Variants in FAM193A observed in about 807,000 individuals in gnomAD.
FAM193A encodes protein FAM193A.
FAM193A carries 22 observed loss-of-function variants against 126.5 expected under a neutral mutation model. The observed-to-expected ratio is 0.17, with a 90% CI of 0.12 to 0.25. The LOEUF is 0.25. Among genes scored for constraint, FAM193A ranks in the 10% least tolerant of loss-of-function variants. The pLI is 1.00. For synonymous variants in FAM193A, 761 were observed against 646.8 expected, an observed-to-expected ratio of 1.18 and a Z score of -2.68; for missense variants, 1,675 against 1,672.8, an observed-to-expected ratio of 1.00 and a Z score of -0.02.
At chr4:2,538,182 A>G (rs951301020) in intron 1 of FAM193A, among the ~76,000 whole-genome samples, 1 of 151,890 alleles carries the variant, frequency 6.6e-6, no homozygotes, top group South Asian at 2.1e-4. Flanking sequence ...GTGCTAAATC[A>G]TGACACAAAT....
rs768065012 is a variant in FAM193A, at chr4:2,693,820, C to T, written c.3038C>T (p.Ala1013Val). ...GACACACGCAAGAGTTTCTGTCCTGCACCCCTACCCCCGGCCACAGATGGC... is the reference window on the plus strand; with the variant it reads ...GACACACGCAAGAGTTTCTGTCCTGTACCCCTACCCCCGGCCACAGATGGC... ...FVDTRKSFCP[A>V]PLPPATDGSI... Residue 1013 changes from alanine (A) to valine (V), a missense_variant, in exon 16 of 21, where the codon GCA becomes GTA. Ala to Val is a moderately conservative substitution (Grantham distance 64). Coordinates refer to ENST00000637812, the MANE Select transcript of FAM193A (RefSeq NM_001366318.2). The T allele has an allele frequency of 1.6e-5, 26 of 1,614,236 alleles. No homozygotes were observed. The highest frequency in any genetic ancestry group is 2.1e-5 in the Non-Finnish European group (25 of 1,180,042).
At chr4:2,598,419 A>G (rs1285890303) in intron 2 of FAM193A, among the ~76,000 whole-genome samples, 1 of 152,168 alleles carries the variant, frequency 6.6e-6, no homozygotes, top group East Asian at 1.9e-4. Flanking sequence ...TGCTATGAAC[A>G]TTATTTTTCT....
At chr4:2,600,321 T>A (rs1741124531) in intron 2 of FAM193A, among the ~76,000 whole-genome samples, 1 of 152,198 alleles carries the variant, frequency 6.6e-6, no homozygotes, top group Admixed American at 6.5e-5. Context: ...CTGTGGCTCT[T>A]CCGTGGCTCT....
intron 2 of FAM193A, among the ~76,000 whole-genome samples, chr4:2,624,478 G>C (rs940769428): frequency 6.6e-6 from 1 of 152,184 alleles, no homozygotes; most frequent in South Asian, 2.1e-4. Flanking sequence ...TTGTTCCTCA[G>C]AGCAGGCAGT....
At chr4:2,600,047 G>A (rs767050077) in intron 2 of FAM193A, among the ~76,000 whole-genome samples, 3 of 152,150 alleles carry the variant, frequency 2.0e-5, no homozygotes, top group African/African-American at 4.8e-5. Flanking sequence ...CTATAGGCGC[G>A]CAACACCACA....
At chr4:2,688,205 C>T (rs1715964509) in intron 13 of FAM193A, among the ~76,000 whole-genome samples, 1 of 152,002 alleles carries the variant, frequency 6.6e-6, no homozygotes, top group Admixed American at 6.6e-5. Flanking sequence ...CATCCTAGAG[C>T]GCATATAATT....
At chr4:2,580,986 G>A (rs1343552905) in intron 1 of FAM193A, among the ~76,000 whole-genome samples, 5 of 151,904 alleles carry the variant, frequency 3.3e-5, no homozygotes, top group East Asian at 1.9e-4. Context: ...AAAATTAGCC[G>A]GGTGTGGTGG....
intron 8 of FAM193A, 97 bp downstream of exon 8, chr4:2,657,977 A>T: frequency 1.2e-6 from 1 of 825,634 alleles, no homozygotes; most frequent in Admixed American, 2.2e-5. Context: ...TTAGAACAGC[A>T]TTGGAGGACC....
chr4:2,582,365 T>G (rs991573334), intron 1 of FAM193A, among the ~76,000 whole-genome samples: 3 of 152,082 alleles, frequency 2.0e-5, no homozygotes, highest in Non-Finnish European at 4.4e-5. Flanking sequence ...ACTCCTGAAC[T>G]CCTGGGTTCA....
intron 13 of FAM193A, among the ~76,000 whole-genome samples, chr4:2,688,572 G>A (rs1295534269): frequency 6.6e-6 from 1 of 152,210 alleles, no homozygotes; most frequent in Non-Finnish European, 1.5e-5. Flanking sequence ...GGTGGAGGTG[G>A]TGGGCCCAGC....
At chr4:2,725,847 G>T (rs897217877) in intron 20 of FAM193A, among the ~76,000 whole-genome samples, 3 of 151,928 alleles carry the variant, frequency 2.0e-5, no homozygotes, top group Non-Finnish European at 4.4e-5. Context: ...GACTAGCTGG[G>T]ACTACAGGCG....
At chr4:2,555,192 T>C (rs1738180179) in intron 1 of FAM193A, among the ~76,000 whole-genome samples, 1 of 152,220 alleles carries the variant, frequency 6.6e-6, no homozygotes, top group South Asian at 2.1e-4. Flanking sequence ...CTTTGTAAAC[T>C]GATTTGCTAG....
At chr4:2,627,034 C>T (rs1178383674) in intron 4 of FAM193A, among the ~76,000 whole-genome samples, 1 of 152,074 alleles carries the variant, frequency 6.6e-6, no homozygotes, top group Non-Finnish European at 1.5e-5. Context: ...ACAGCTGAGG[C>T]GTGCCTGGCC....
chr4:2,614,975 T>C (rs1742095629), intron 2 of FAM193A: 1 of 152,222 alleles, frequency 6.6e-6, no homozygotes, highest in Non-Finnish European at 1.5e-5. Context: ...TTGAGTTTTG[T>C]CTTTTTTTCC....
chr4:2,652,972 C>T (rs547272844), intron 7 of FAM193A, among the ~76,000 whole-genome samples: 18 of 152,292 alleles, frequency 1.2e-4, no homozygotes, highest in South Asian at 6.2e-4. Context: ...AGGAGGCTCC[C>T]GAGGGTCTCA....
intron 12 of FAM193A, among the ~76,000 whole-genome samples, chr4:2,665,478 T>C (rs889570427): frequency 2.0e-5 from 3 of 152,164 alleles, no homozygotes; most frequent in Admixed American, 1.3e-4. Context: ...AATCTTCCCT[T>C]CCCTTTCCCT....
intron 20 of FAM193A, among the ~76,000 whole-genome samples, chr4:2,729,861 C>T (rs1379137029): frequency 6.6e-6 from 1 of 152,186 alleles, no homozygotes; most frequent in African/African-American, 2.4e-5. Context: ...ATCCACGCAC[C>T]TCAGCCTCCC....
intron 14 of FAM193A, among the ~76,000 whole-genome samples, chr4:2,690,136 C>T (rs1716198371): frequency 6.6e-6 from 1 of 152,310 alleles, no homozygotes; most frequent in Non-Finnish European, 1.5e-5. Flanking sequence ...ACTGCATTGG[C>T]GCCACGTGGC....
At chr4:2,584,451 C>T (rs1041134393) in intron 1 of FAM193A, among the ~76,000 whole-genome samples, 1 of 149,664 alleles carries the variant, frequency 6.7e-6, no homozygotes, top group African/African-American at 2.5e-5. Context: ...ACACCCATCT[C>T]TAAAGAATAT....
Sources: gnomAD v4.1 joint callset for allele counts (sites outside exome capture counted in the v4.1 genomes callset) on GRCh38, gnomAD v4.1.1 for gene constraint, MANE v1.5 for transcripts, NCBI Gene and HGNC (gene_info 2026-07-23, HGNC 2026-07-21) for gene names.